DIP2B: variants seen among roughly 807,000 people sequenced by gnomAD.
DIP2B encodes DIP2 acetate--CoA ligase B (putative), also known as disco-interacting protein 2 homolog B.
Under a neutral mutation model 198.0 loss-of-function variants are expected in DIP2B, and 76 were observed. The ratio of observed to expected loss-of-function variants is 0.38; its 90% CI spans 0.32 to 0.46. The LOEUF (loss-of-function observed/expected upper bound fraction) is 0.46, where lower values mean the gene tolerates loss of function less well. Ranked by LOEUF, DIP2B falls within the 20% of genes least tolerant of loss-of-function variation. DIP2B has a pLI of 0.99. For synonymous variants in DIP2B, 701 were observed against 739.1 expected, an observed-to-expected ratio of 0.95 and a Z score of 0.84; for missense variants, 1,559 against 1,978.4, an observed-to-expected ratio of 0.79 and a Z score of 4.02.
chr12:50,675,770 G>T (rs1938935952), intron 7 of DIP2B, among the ~76,000 whole-genome samples: 1 of 152,112 alleles, frequency 6.6e-6, no homozygotes, highest in African/African-American at 2.4e-5. Flanking sequence ...CATTTTCTCG[G>T]ATGTGGATAT....
At position 50,537,114 on chromosome 12, in the gene DIP2B, A is replaced by ATTTTTTTTTTTTTTTTTTTTTTTTTTTT. The variant is rs34202995; in HGVS notation, c.100+31901_100+31902insTTTTTTTTTTTTTTTTTTTTTTTTTTTT. ...CAGATTGCTTGTTTATTATTCTCTA[A>ATTTTTTTTTTTTTTTTTTTTTTTTTTTT]TTTTTTTTTTTTTTTTTTTTTTTTT... On this transcript the variant is annotated intron_variant, in intron 1 of 37. Transcript: ENST00000301180. Among the ~76,000 whole-genome samples, 21 of 32,226 alleles carry ATTTTTTTTTTTTTTTTTTTTTTTTTTTT rather than the reference A, an allele frequency of 6.5e-4. 6 individuals are homozygous for ATTTTTTTTTTTTTTTTTTTTTTTTTTTT. Among genetic ancestry groups the ATTTTTTTTTTTTTTTTTTTTTTTTTTTT allele is most frequent in the Non-Finnish European group, 1.0e-3 (21 of 21,008 alleles). The allele number at this position is 32,226 out of a possible 152,430, so 21.1% of individuals were successfully genotyped here.
chr12:50,706,738 T>G (rs1487456163), intron 21 of DIP2B, 73 bp downstream of exon 21: 1 of 1,543,772 alleles, frequency 6.5e-7, no homozygotes, highest in African/African-American at 1.4e-5. Context: ...GTGATTTCAG[T>G]GGTATTTTGT....
intron 1 of DIP2B, among the ~76,000 whole-genome samples, chr12:50,617,284 T>C (rs894636513): frequency 1.3e-5 from 2 of 151,454 alleles, no homozygotes; most frequent in African/African-American, 4.8e-5. Flanking sequence ...GTCTCCCGAG[T>C]AGCTGGGACT....
rs573810162 is a variant in DIP2B at position 50,547,016 on chromosome 12, C to T, written c.100+41776C>T. Reference sequence around the variant, plus strand: ...CTCGGAGGTTCGGTTCACCTTACCTCCTTATTTTTACTCCCTTCTTTTTTG... The same window carrying T: ...CTCGGAGGTTCGGTTCACCTTACCTTCTTATTTTTACTCCCTTCTTTTTTG... On this transcript the variant is annotated intron_variant, in intron 1 of 37. Transcript: ENST00000301180. Among the ~76,000 whole-genome samples the T allele has an allele frequency of 3.3e-5, 5 of 152,296 alleles. No homozygotes were observed. In the South Asian group the frequency reaches 1.0e-3, roughly 32 times the overall value.
intron 12 of DIP2B, among the ~76,000 whole-genome samples, chr12:50,690,448 G>C (rs1939205813): frequency 6.6e-6 from 1 of 152,194 alleles, no homozygotes; most frequent in African/African-American, 2.4e-5. Context: ...CTACTCAGGA[G>C]GCTGAGCTGG....
intron 1 of DIP2B, among the ~76,000 whole-genome samples, chr12:50,538,999 G>A (rs932558345): frequency 2.6e-5 from 4 of 152,022 alleles, no homozygotes; most frequent in Admixed American, 6.6e-5. Flanking sequence ...TAAAAACTTG[G>A]AATAGTTACT....
intron 4 of DIP2B, among the ~76,000 whole-genome samples, chr12:50,664,353 G>C (rs940812903): frequency 1.3e-5 from 2 of 152,146 alleles, no homozygotes; most frequent in African/African-American, 4.8e-5. Flanking sequence ...ATTGAATTAT[G>C]TACACTAATT....
intron 22 of DIP2B, among the ~76,000 whole-genome samples, chr12:50,711,475 C>T (rs1208004349): frequency 2.0e-5 from 3 of 152,152 alleles, no homozygotes; most frequent in Non-Finnish European, 2.9e-5. Context: ...TTCCATTTCC[C>T]AGTCATCTGT....
rs1958192488 is a variant in DIP2B at position 50,529,063 on chromosome 12, T to G, written c.100+23823T>G. Among the ~76,000 whole-genome samples the G allele has an allele frequency of 3.9e-5, 6 of 152,042 alleles. No homozygotes were observed. The South Asian group carries it at 1.2e-3, about 32-fold the overall frequency. Reference sequence around the variant, plus strand: ...CAACTTTTAGTGAGTTTTACTGTGGTTAGGAGGGGCAGGACATGGCAGTAC... The same window carrying G: ...CAACTTTTAGTGAGTTTTACTGTGGGTAGGAGGGGCAGGACATGGCAGTAC... On this transcript the variant is annotated intron_variant, in intron 1 of 37. Coordinates refer to ENST00000301180, the MANE Select transcript of DIP2B (RefSeq NM_173602.3).
chr12:50,735,429 T>C (rs1940119192), intron 34 of DIP2B, among the ~76,000 whole-genome samples: 1 of 151,770 alleles, frequency 6.6e-6, no homozygotes, highest in Admixed American at 6.6e-5. Context: ...GAGCTGGTTC[T>C]ATGTTTTTTT....
At chr12:50,717,609 C>T (rs904668149) in intron 23 of DIP2B, among the ~76,000 whole-genome samples, 5 of 151,264 alleles carry the variant, frequency 3.3e-5, no homozygotes, top group South Asian at 2.1e-4. Context: ...CCTTGTGATC[C>T]GCCCGCCTCG....
At chr12:50,505,566 G>T (rs1227962390) in intron 1 of DIP2B, among the ~76,000 whole-genome samples, 1 of 152,174 alleles carries the variant, frequency 6.6e-6, no homozygotes, top group Non-Finnish European at 1.5e-5. Context: ...TGGCCCAGGT[G>T]GGGTGAGGGG....
At chr12:50,562,436 TA>T (rs568175712) in intron 1 of DIP2B, among the ~76,000 whole-genome samples, 1,678 of 147,822 alleles carry the variant, frequency 0.011, 11 homozygotes, top group Non-Finnish European at 0.017. Context: ...TAATTTTCTT[TA>T]AAAAAAAAAA....
At chr12:50,646,477 A>C (rs1377863428) in intron 3 of DIP2B, among the ~76,000 whole-genome samples, 4 of 151,962 alleles carry the variant, frequency 2.6e-5, no homozygotes, top group African/African-American at 7.3e-5. Flanking sequence ...GCTGGAATGC[A>C]GTGGTGCTAT....
chr12:50,723,305 T>G lies in DIP2B; in HGVS notation c.3270T>G (p.Thr1090=). 1 of 1,614,208 alleles carries G rather than the reference T, an allele frequency of 6.2e-7. No individual in the cohort carries two copies. Among genetic ancestry groups the G allele is most frequent in the Non-Finnish European group, 8.5e-7 (1 of 1,180,028 alleles). Residue 1090 remains threonine, a synonymous_variant, in exon 27 of 38, where the codon ACT becomes ACG. Transcript: ENST00000301180. ...HAQNLTATLP[T]VRMIVDVSKA... is the part of the protein sequence containing the mutation. ...AGAACCTCACGGCCACGCTGCCCAC[T>G]GTCCGAATGATTGTTGATGTAAGTA...
At chr12:50,597,988 G>A (rs1487384072) in intron 1 of DIP2B, among the ~76,000 whole-genome samples, 1 of 152,126 alleles carries the variant, frequency 6.6e-6, no homozygotes, top group African/African-American at 2.4e-5. Context: ...ACTGAACGGG[G>A]TCACACTTAA....
At chr12:50,671,426 C>A (rs1389168652) in intron 5 of DIP2B, 28 bp downstream of exon 5, 1 of 1,606,608 alleles carries the variant, frequency 6.2e-7, no homozygotes, top group Non-Finnish European at 8.5e-7. Context: ...CCAAGAAGCC[C>A]AAATTACATT....
intron 7 of DIP2B, among the ~76,000 whole-genome samples, chr12:50,676,936 C>T (rs1938956107): frequency 6.6e-6 from 1 of 152,008 alleles, no homozygotes; most frequent in Non-Finnish European, 1.5e-5. Flanking sequence ...TATTATTTAC[C>T]CTAAGGCAGC....
At chr12:50,519,407 A>ATT (rs956855763) in intron 1 of DIP2B, among the ~76,000 whole-genome samples, 1 of 151,862 alleles carries the variant, frequency 6.6e-6, no homozygotes. Flanking sequence ...AGCCTCTTTT[A>ATT]TTTTTTTTAA....
Sources: gnomAD v4.1 joint callset for allele counts (sites outside exome capture counted in the v4.1 genomes callset) on GRCh38, gnomAD v4.1.1 for gene constraint, MANE v1.5 for transcripts, NCBI Gene and HGNC (gene_info 2026-07-23, HGNC 2026-07-21) for gene names.